Variants in CUL2 observed in about 807,000 individuals in gnomAD.
The protein encoded by CUL2 is cullin 2, also known as cullin-2.
In CUL2, 22 loss-of-function variants were observed where a neutral mutation model predicts 110.2. The observed-to-expected ratio is 0.20, with a 90% CI of 0.14 to 0.28. The LOEUF is 0.28. Among genes scored for constraint, CUL2 ranks in the 10% least tolerant of loss-of-function variants. The pLI is 1.00. For missense variants in CUL2, 631 were observed against 905.5 expected (o/e 0.70, Z 3.89); for synonymous variants, 279 against 293.2 (o/e 0.95, Z 0.49).
At chr10:35,099,821 C>G (rs2087351857) in intron 2 of CUL2, among the ~76,000 whole-genome samples, 1 of 151,938 alleles carries the variant, frequency 6.6e-6, no homozygotes, top group Non-Finnish European at 1.5e-5. Flanking sequence ...AGTGTCAATG[C>G]CTTTTCCAAT....
intron 8 of CUL2, among the ~76,000 whole-genome samples, chr10:35,044,290 T>A (rs1448019439): frequency 1.3e-5 from 2 of 152,146 alleles, no homozygotes; most frequent in African/African-American, 4.8e-5. Flanking sequence ...CTGCCAAGAA[T>A]GTGCATATAT....
At chr10:35,014,394 A>G (rs1417188017) in intron 18 of CUL2, among the ~76,000 whole-genome samples, 3 of 152,206 alleles carry the variant, frequency 2.0e-5, no homozygotes, top group African/African-American at 7.2e-5. Flanking sequence ...AATTTTTAGA[A>G]TAACAACTTC....
At chr10:35,037,695 T>C (rs956785942) in intron 9 of CUL2, among the ~76,000 whole-genome samples, 3 of 151,668 alleles carry the variant, frequency 2.0e-5, no homozygotes, top group Non-Finnish European at 4.4e-5. Context: ...ATACAAAAAT[T>C]AGCCAGGTGT....
At chr10:35,121,114 A>G (rs1359153267) in intron 1 of CUL2, among the ~76,000 whole-genome samples, 1 of 152,222 alleles carries the variant, frequency 6.6e-6, no homozygotes, top group Non-Finnish European at 1.5e-5. Flanking sequence ...CCATAATGTC[A>G]TGTCTTCCTA....
At chr10:35,011,787 G>T in intron 20 of CUL2, 61 bp downstream of exon 20, 2 of 812,376 alleles carry the variant, frequency 2.5e-6, no homozygotes, top group South Asian at 1.6e-5. Flanking sequence ...GAAAGAGACT[G>T]AATCTGTACA....
intron 4 of CUL2, among the ~76,000 whole-genome samples, chr10:35,059,290 AAG>A (rs770041366): frequency 1.3e-5 from 2 of 152,162 alleles, no homozygotes; most frequent in Non-Finnish European, 2.9e-5. Context: ...TTTGTGAAGA[AAG>A]AGTCAACTGA....
At chr10:35,105,524 T>C (rs1408064579) in intron 1 of CUL2, among the ~76,000 whole-genome samples, 4 of 148,250 alleles carry the variant, frequency 2.7e-5, no homozygotes, top group Non-Finnish European at 5.9e-5. Flanking sequence ...GCTAACACAG[T>C]GGAAACCCGT....
chr10:35,124,875 A>G (rs2087722150), intron 1 of CUL2, among the ~76,000 whole-genome samples: 2 of 152,224 alleles, frequency 1.3e-5, no homozygotes, highest in African/African-American at 4.8e-5. Context: ...AGGAGGGAAT[A>G]TAAGGGTGTG....
chr10:35,085,346 C>T (rs1202514127), intron 1 of CUL2, among the ~76,000 whole-genome samples: 1 of 150,718 alleles, frequency 6.6e-6, no homozygotes, highest in Non-Finnish European at 1.5e-5. Context: ...AGGAGAATGG[C>T]GTAGACCCAG....
At chr10:35,032,663 TTATTCTC>T (rs1230510640) in intron 11 of CUL2, among the ~76,000 whole-genome samples, 169 bp from the exon 12 acceptor site, 4 of 152,202 alleles carry the variant, frequency 2.6e-5, no homozygotes, top group Non-Finnish European at 5.9e-5. Context: ...TCCTCTGACT[TTATTCTC>T]TAATTACAAA....
In CUL2 at chr10:35,010,179, A is replaced by T. The variant is rs1449405419; in HGVS notation, c.*132T>A. 8.9e-6 allele frequency: 7 copies of T among 787,260 alleles called. No individual in the cohort carries two copies. In the East Asian group the frequency reaches 2.4e-4, roughly 27 times the overall value. 48.8% of individuals were successfully genotyped at this position (787,260 alleles called of 1,614,324 possible). ...TGACGCTCATGACGTGGCACTGGTG[A>T]TGTTGTAAACAGCAGAAAACAGGGG... On this transcript the variant is annotated 3_prime_UTR_variant, in exon 21 of 21. Transcript: ENST00000374749.
intron 1 of CUL2, among the ~76,000 whole-genome samples, chr10:35,125,006 G>A (rs180966557): frequency 2.0e-5 from 3 of 152,308 alleles, no homozygotes; most frequent in Admixed American, 2.0e-4. Flanking sequence ...GTAAACATGA[G>A]TAGGTTTTTA....
At chr10:35,048,783 T>G (rs2086016460) in intron 6 of CUL2, among the ~76,000 whole-genome samples, 1 of 152,198 alleles carries the variant, frequency 6.6e-6, no homozygotes, top group Admixed American at 6.5e-5. Context: ...TACTTTCTAT[T>G]GGGTATCAAA....
intron 17 of CUL2, among the ~76,000 whole-genome samples, chr10:35,017,310 A>T (rs1304709553): frequency 6.6e-6 from 1 of 152,252 alleles, no homozygotes; most frequent in Non-Finnish European, 1.5e-5. Context: ...GAAAGTTGAT[A>T]GCAAAAGAAT....
intron 1 of CUL2, among the ~76,000 whole-genome samples, chr10:35,113,498 CAAAAAAA>C (rs59518617): frequency 6.9e-4 from 23 of 33,308 alleles, no homozygotes; most frequent in African/African-American, 2.2e-3. Context: ...GACTCTGCCT[CAAAAAAA>C]AAAAAAAAAA....
At chr10:35,025,367 C>G (rs1358120258) in intron 16 of CUL2, among the ~76,000 whole-genome samples, 169 bp from the exon 17 acceptor site, 1 of 152,148 alleles carries the variant, frequency 6.6e-6, no homozygotes, top group Non-Finnish European at 1.5e-5. Flanking sequence ...CCTGTGGTCC[C>G]TAATCAAGGC....
chr10:35,066,205 G>A (rs1400492373), intron 2 of CUL2, among the ~76,000 whole-genome samples: 1 of 151,654 alleles, frequency 6.6e-6, no homozygotes, highest in East Asian at 1.9e-4. Flanking sequence ...GGGAATAAAA[G>A]GAAAGGTTAC....
chr10:35,015,514 ATTAT>A (rs2085004062), intron 18 of CUL2, among the ~76,000 whole-genome samples: 1 of 152,104 alleles, frequency 6.6e-6, no homozygotes, highest in Admixed American at 6.6e-5. Flanking sequence ...AAAACAAAAC[ATTAT>A]TTATAGGAAT....
At chr10:35,097,046 A>C (rs917264757) in intron 2 of CUL2, among the ~76,000 whole-genome samples, 29 of 152,068 alleles carry the variant, frequency 1.9e-4, no homozygotes, top group African/African-American at 6.7e-4. Context: ...CTGTCTCCAC[A>C]TGACCCGTCC....
Sources: gnomAD v4.1 joint callset for allele counts (sites outside exome capture counted in the v4.1 genomes callset) on GRCh38, gnomAD v4.1.1 for gene constraint, MANE v1.5 for transcripts, NCBI Gene and HGNC (gene_info 2026-07-23, HGNC 2026-07-21) for gene names.